TTLL3: variants seen among roughly 807,000 people sequenced by gnomAD.
TTLL3 encodes tubulin tyrosine ligase like 3.
In TTLL3, 63 loss-of-function variants were observed where a neutral mutation model predicts 75.2. The observed-to-expected ratio is 0.84, with a 90% CI of 0.68 to 1.03. The LOEUF (loss-of-function observed/expected upper bound fraction) is 1.03. Among genes scored for constraint, TTLL3 ranks in the 50% least tolerant of loss-of-function variants. The probability of loss-of-function intolerance (pLI) is 0.00; values close to 1 mark genes in which losing one functional copy is unlikely to be tolerated. For synonymous variants in TTLL3, 393 were observed against 418.5 expected (o/e 0.94, Z 0.74); for missense variants, 997 against 1,069.9 (o/e 0.93, Z 0.95).
intron 2 of TTLL3, among the ~76,000 whole-genome samples, chr3:9,812,538 G>GCATA (rs1161242454): frequency 6.6e-6 from 1 of 151,918 alleles, no homozygotes; most frequent in East Asian, 1.9e-4. Flanking sequence ...GGGCGTGGTG[G>GCATA]CATACACCTG....
chr3:9,824,392 T>TAA, intron 8 of TTLL3, among the ~76,000 whole-genome samples: 1 of 152,314 alleles, frequency 6.6e-6, no homozygotes, highest in Middle Eastern at 3.4e-3. Flanking sequence ...GTAAGTCCCT[T>TAA]AACTCTCAAA....
intron 12 of TTLL3, chr3:9,834,161 C>T (rs1481440781): frequency 3.2e-6 from 1 of 310,934 alleles, no homozygotes; most frequent in Non-Finnish European, 6.4e-6. Flanking sequence ...TTGTCTCCTC[C>T]AAAGTAGTCA....
In TTLL3 at chr3:9,816,523, C is replaced by CTTTTTTTTTTTTTTTTTTTTT. The variant is rs71052206; in HGVS notation, c.444+332_444+333insTTTTTTTTTTTTTTTTTTTTT. 2.7e-4 allele frequency among the ~76,000 whole-genome samples: 28 copies of CTTTTTTTTTTTTTTTTTTTTT among 104,044 alleles called. 3 individuals are homozygous for CTTTTTTTTTTTTTTTTTTTTT. Among genetic ancestry groups the CTTTTTTTTTTTTTTTTTTTTT allele is most frequent in the East Asian group, 6.1e-4 (2 of 3,300 alleles). 68.3% of individuals were successfully genotyped at this position (104,044 alleles called of 152,430 possible). On this transcript the variant is annotated intron_variant, in intron 5 of 13. Coordinates refer to ENST00000685419, the MANE Select transcript of TTLL3 (RefSeq NM_001387446.1). Reference sequence around the variant, plus strand: ...GACCCATTCTGTCTTACCTGGGTTTCTTTTTTTTTTTGAGACAGAGTCTTG... The same window carrying CTTTTTTTTTTTTTTTTTTTTT: ...GACCCATTCTGTCTTACCTGGGTTTCTTTTTTTTTTTTTTTTTTTTTTTTTTTTTTTTGAGACAGAGTCTTG...
intron 3 of TTLL3, 26 bp from the exon 4 acceptor site, chr3:9,813,222 A>G: frequency 6.2e-7 from 1 of 1,614,192 alleles, no homozygotes; most frequent in Admixed American, 1.7e-5. Context: ...GAGGAAACTC[A>G]TCAGCTCTGG....
At chr3:9,813,427 C>G in intron 4 of TTLL3, 82 bp downstream of exon 4, 1 of 1,483,276 alleles carries the variant, frequency 6.7e-7, no homozygotes, top group Non-Finnish European at 9.3e-7. Flanking sequence ...TGACCTCAGA[C>G]AAGTCCTTTC....
intron 9 of TTLL3, among the ~76,000 whole-genome samples, chr3:9,826,515 T>C (rs1328592216): frequency 6.6e-6 from 1 of 151,978 alleles, no homozygotes; most frequent in East Asian, 1.9e-4. Flanking sequence ...GGTGGATCAC[T>C]TGAGGTCAGG....
chr3:9,820,398 A>G, intron 7 of TTLL3, 148 bp from the exon 8 acceptor site: 1 of 1,511,910 alleles, frequency 6.6e-7, no homozygotes, highest in Non-Finnish European at 8.8e-7. Flanking sequence ...AGCCTCAGCT[A>G]AGTGACACAT....
At position 9,829,337 on chromosome 3, in the gene TTLL3, T is replaced by C. The variant is rs545180779; in HGVS notation, c.1625T>C (p.Ile542Thr). The change falls in exon 11 of 14, where the codon ATT (isoleucine) becomes ACT (threonine). Residue 542 changes from isoleucine (I) to threonine (T), a missense_variant. Transcript: ENST00000685419. Reference protein sequence around the residue: ...GVQADTLRVVIDRMLDRNCDT... With the variant: ...GVQADTLRVVTDRMLDRNCDT... ...CAAGCTGACACCCTGCGCGTGGTCA[T>C]TGACCGGATGCTGGACCGCAACTGT... The C allele has an allele frequency of 7.6e-5, 122 of 1,612,630 alleles. No individual in the cohort carries two copies. The highest frequency in any genetic ancestry group is 8.9e-5 in the Non-Finnish European group (105 of 1,179,114).
chr3:9,819,092 C>T (rs777240378), intron 7 of TTLL3, 172 bp downstream of exon 7: 67 of 833,974 alleles, frequency 8.0e-5, no homozygotes, highest in Non-Finnish European at 1.1e-4. Flanking sequence ...GCCATCCATC[C>T]ACTCATCCAC....
chr3:9,833,305 A>G, intron 12 of TTLL3, 60 bp downstream of exon 12: 1 of 1,591,538 alleles, frequency 6.3e-7, no homozygotes, highest in South Asian at 1.1e-5. Flanking sequence ...TGGGGCCAGG[A>G]GCCTGGGGCA....
chr3:9,818,010 T>A (rs2080049692), intron 6 of TTLL3: 1 of 447,880 alleles, frequency 2.2e-6, no homozygotes, highest in Non-Finnish European at 4.0e-6. Flanking sequence ...GTTCTAAAAG[T>A]TGGTCAGTCC....
chr3:9,817,399 G>C, intron 5 of TTLL3: 1 of 978,950 alleles, frequency 1.0e-6, no homozygotes, highest in Non-Finnish European at 1.2e-6. Context: ...ACTCCAGCCT[G>C]GGTGACAGAG....
upstream of TTLL3, chr3:9,810,121 A>C (rs1225403061): frequency 4.1e-6 from 6 of 1,467,242 alleles, no homozygotes. This position sits in a 1 kb window ranked among gnomAD's most constrained non-coding sequence, Gnocchi z 4.4. Flanking sequence ...CTGGCTGCGG[A>C]AGCCGCAGCC....
chr3:9,829,920 G>A (rs1354621582), intron 11 of TTLL3, among the ~76,000 whole-genome samples: 1 of 152,178 alleles, frequency 6.6e-6, no homozygotes, highest in Non-Finnish European at 1.5e-5. Context: ...TTGGCTCACT[G>A]CAACCTCTAC....
chr3:9,824,442 G>A (rs890340940), intron 8 of TTLL3, among the ~76,000 whole-genome samples: 3 of 152,164 alleles, frequency 2.0e-5, no homozygotes, highest in South Asian at 2.1e-4. Context: ...ATGGAGCCTC[G>A]CTCCGTTGCC....
In TTLL3 at chr3:9,818,973, GC is replaced by G. The variant is rs2125710538; in HGVS notation, c.658+56del. The G allele has an allele frequency of 2.5e-6, 4 of 1,610,846 alleles. No homozygotes were observed. In the South Asian group the frequency reaches 4.4e-5, roughly 18 times the overall value. ...CCACCCATTTATCCTCCACCCATCCGCCCTTCCACCTATCTGCCCTTCTACC... is the reference window on the plus strand; with the variant it reads ...CCACCCATTTATCCTCCACCCATCCGCCTTCCACCTATCTGCCCTTCTACC... On this transcript the variant is annotated intron_variant, in intron 7 of 13. Coordinates refer to ENST00000685419, the MANE Select transcript of TTLL3 (RefSeq NM_001387446.1).
At chr3:9,811,204 C>T (rs186214676) in intron 2 of TTLL3, among the ~76,000 whole-genome samples, 1 of 152,210 alleles carries the variant, frequency 6.6e-6, no homozygotes, top group Non-Finnish European at 1.5e-5. Flanking sequence ...GTGCTGCACC[C>T]TCTCCGTGCC....
rs1193099226 is a variant in TTLL3 at position 9,820,420 on chromosome 3, AG to A, written c.659-122del. The A allele has an allele frequency of 2.4e-5, 37 of 1,531,516 alleles. No individual in the cohort carries two copies. The East Asian group carries it at 7.9e-4, about 33-fold the overall frequency. 94.9% of individuals were successfully genotyped at this position (1,531,516 alleles called of 1,614,324 possible). A position where few individuals can be genotyped will look rare whatever the true frequency, so the allele number is the denominator to read the frequency against. On this transcript the variant is annotated intron_variant, in intron 7 of 13. Transcript: ENST00000685419. ...GCTAAGTGACACATCCCAGGGCAGT[AG>A]GGGATCTATCTAGGTTCGTGCTGGG...
At chr3:9,826,327 A>G (rs2081037106) in intron 9 of TTLL3, among the ~76,000 whole-genome samples, 1 of 152,238 alleles carries the variant, frequency 6.6e-6, no homozygotes, top group Admixed American at 6.5e-5. Flanking sequence ...CTGCCTCTAG[A>G]CAAGGAGATA....
Sources: allele counts gnomAD v4.1 joint callset (sites outside exome capture counted in the v4.1 genomes callset), GRCh38; gene constraint gnomAD v4.1.1; non-coding constraint Gnocchi (gnomAD v3.1); transcripts MANE v1.5; gene names NCBI Gene and HGNC (gene_info 2026-07-23, HGNC 2026-07-21).